GLDC: variants seen among roughly 807,000 people sequenced by gnomAD.
GLDC encodes glycine decarboxylase, also known as glycine dehydrogenase (decarboxylating), mitochondrial.
Under a neutral mutation model 121.3 loss-of-function variants are expected in GLDC, and 104 were observed. That is an observed-to-expected ratio of 0.86 (90% CI 0.73 to 1.01). GLDC has a LOEUF of 1.01. Ranked by LOEUF, GLDC falls within the 50% of genes least tolerant of loss-of-function variation. The pLI, the probability that GLDC is intolerant of heterozygous loss-of-function variation, is 0.00. For missense variants in GLDC, 1,429 were observed against 1,306.6 expected (o/e 1.09, Z -1.44); for synonymous variants, 546 against 480.6 (o/e 1.14, Z -1.78).
intron 3 of GLDC, among the ~76,000 whole-genome samples, chr9:6,613,429 C>A (rs1818901621): frequency 6.6e-6 from 1 of 152,212 alleles, no homozygotes; most frequent in Admixed American, 6.5e-5. Context: ...AGTTCGAGAC[C>A]AGCCTGGGCA....
chr9:6,595,382 T>C (rs1818471884), intron 8 of GLDC, among the ~76,000 whole-genome samples: 2 of 152,110 alleles, frequency 1.3e-5, no homozygotes, highest in Non-Finnish European at 2.9e-5. Flanking sequence ...TGCAACAAAA[T>C]CATGTCACCC....
chr9:6,589,169 G>T, intron 12 of GLDC, 26 bp downstream of exon 12: 2 of 1,382,784 alleles, frequency 1.4e-6, no homozygotes, highest in Non-Finnish European at 2.1e-6. Context: ...AGCACAAAAC[G>T]CAGAAGTCAC....
chr9:6,568,318 G>C (rs1372639896), intron 15 of GLDC, among the ~76,000 whole-genome samples: 1 of 152,174 alleles, frequency 6.6e-6, no homozygotes, highest in African/African-American at 2.4e-5. Flanking sequence ...AAAACAAATT[G>C]TTAGTGCCAC....
In GLDC at chr9:6,592,300, G is replaced by A. The variant is rs192227706; in HGVS notation, c.1402-77C>T. 370 of 888,134 alleles carry A rather than the reference G, an allele frequency of 4.2e-4. 1 individual carries two copies. The African/African-American group carries it at 5.0e-3, about 12-fold the overall frequency. 55.0% of individuals were successfully genotyped at this position (888,134 alleles called of 1,614,324 possible). A position where few individuals can be genotyped will look rare whatever the true frequency, so the allele number is the denominator to read the frequency against. ...TGGAGGAATCCCAAGAGAGGTCAAA[G>A]GGGAGACAGTGCTAAACAAAATCCC... On this transcript the variant is annotated intron_variant, in intron 10 of 24. Coordinates refer to ENST00000321612, the MANE Select transcript of GLDC (RefSeq NM_000170.3).
intron 3 of GLDC, among the ~76,000 whole-genome samples, chr9:6,614,345 C>A (rs1818926401): frequency 6.6e-6 from 1 of 152,120 alleles, no homozygotes; most frequent in African/African-American, 2.4e-5. Flanking sequence ...AGCAATCCTC[C>A]CACCTCAACC....
intron 17 of GLDC, 35 bp downstream of exon 17, chr9:6,558,524 C>T (rs373990890): frequency 8.7e-6 from 14 of 1,612,222 alleles, no homozygotes; most frequent in African/African-American, 2.7e-5. Flanking sequence ...CTCCCCATCC[C>T]GGCCTCTCCC....
chr9:6,587,537 G>A (rs905672648), intron 14 of GLDC, among the ~76,000 whole-genome samples: 6 of 152,110 alleles, frequency 3.9e-5, no homozygotes, highest in Non-Finnish European at 7.4e-5. Flanking sequence ...AACTTTTCAG[G>A]GAAGAAAAGC....
At chr9:6,628,171 G>A (rs915574689) in intron 2 of GLDC, among the ~76,000 whole-genome samples, 6 of 152,138 alleles carry the variant, frequency 3.9e-5, no homozygotes, top group South Asian at 4.1e-4. Context: ...CTCTTCTCCC[G>A]TGGAAAAGAG....
At chr9:6,555,196 G>A (rs1220291924) in intron 18 of GLDC, among the ~76,000 whole-genome samples, 6 of 152,152 alleles carry the variant, frequency 3.9e-5, no homozygotes, top group African/African-American at 9.7e-5. Context: ...TATGATGCAC[G>A]TTACCGAACG....
chr9:6,621,717 C>T (rs1002993426), intron 2 of GLDC, among the ~76,000 whole-genome samples: 2 of 152,152 alleles, frequency 1.3e-5, no homozygotes, highest in African/African-American at 4.8e-5. Context: ...GGGGTTTCAC[C>T]ATATTGGCTA....
chr9:6,635,843 C>T (rs986556969), intron 2 of GLDC, among the ~76,000 whole-genome samples: 1 of 151,266 alleles, frequency 6.6e-6, no homozygotes, highest in South Asian at 2.1e-4. Flanking sequence ...CCACTGTAGT[C>T]GAGCCTGGGT....
At chr9:6,638,270 C>T (rs756924227) in intron 2 of GLDC, among the ~76,000 whole-genome samples, 7 of 151,458 alleles carry the variant, frequency 4.6e-5, no homozygotes, top group Admixed American at 6.6e-5. Flanking sequence ...AGTGCAATGG[C>T]GCGACTTAGC....
At chr9:6,609,853 C>T (rs1158262714) in intron 4 of GLDC, among the ~76,000 whole-genome samples, 1 of 152,156 alleles carries the variant, frequency 6.6e-6, no homozygotes, top group Non-Finnish European at 1.5e-5. Flanking sequence ...CAAGCCAGCA[C>T]TTCCCAGTGG....
chr9:6,553,526 T>C lies in GLDC; in HGVS notation c.2316-17A>G, dbSNP rs1263329857. The C allele has an allele frequency of 1.2e-6, 2 of 1,611,808 alleles. No individual in the cohort carries two copies. The highest frequency in any genetic ancestry group is 2.2e-5 in the East Asian group (1 of 44,860). On this transcript the variant is annotated splice_polypyrimidine_tract_variant and intron_variant, in intron 19 of 24. Coordinates refer to ENST00000321612, the MANE Select transcript of GLDC (RefSeq NM_000170.3). ...TGTTTCTTCCTGTATTTTTTTTAAG[T>C]GCAAATTCAGAAAATGTAAACGATT... is the stretch of plus-strand genomic sequence containing the variant.
At chr9:6,604,214 C>G (rs775503528) in intron 7 of GLDC, among the ~76,000 whole-genome samples, 1 of 152,156 alleles carries the variant, frequency 6.6e-6, no homozygotes, top group African/African-American at 2.4e-5. Flanking sequence ...TCAGTGTGTA[C>G]TTTGCAGTCT....
At chr9:6,615,788 A>AT (rs913206958) in intron 3 of GLDC, among the ~76,000 whole-genome samples, 1 of 151,700 alleles carries the variant, frequency 6.6e-6, no homozygotes, top group African/African-American at 2.4e-5. Context: ...TTTTTTTTGT[A>AT]TTTTTTGTAG....
intron 23 of GLDC, 37 bp downstream of exon 23, chr9:6,536,027 A>C (rs754593541): frequency 1.3e-6 from 2 of 1,561,490 alleles, no homozygotes; most frequent in Non-Finnish European, 1.8e-6. Context: ...TTTCTAGTTT[A>C]AGGAACATTT....
chr9:6,644,309 T>A lies in GLDC; in HGVS notation c.334+305A>T, dbSNP rs181693561. Among the ~76,000 whole-genome samples the A allele has an allele frequency of 5.5e-4, 84 of 151,956 alleles. 1 individual carries two copies. The highest frequency in any genetic ancestry group is 3.4e-3 in the Middle Eastern group (1 of 294). ...CTCAACCCAAAGTATGAGAGCACCCTGGCCGGTGAGAGGGTGCCTGGGAAG... is the reference window on the plus strand; with the variant it reads ...CTCAACCCAAAGTATGAGAGCACCCAGGCCGGTGAGAGGGTGCCTGGGAAG... On this transcript the variant is annotated intron_variant, in intron 2 of 24. Coordinates refer to ENST00000321612, the MANE Select transcript of GLDC (RefSeq NM_000170.3).
At chr9:6,637,198 A>C (rs1167173296) in intron 2 of GLDC, among the ~76,000 whole-genome samples, 1 of 152,008 alleles carries the variant, frequency 6.6e-6, no homozygotes, top group African/African-American at 2.4e-5. Context: ...TGAGGTCAGG[A>C]GTTCGAAACC....
Sources: allele counts gnomAD v4.1 joint callset (sites outside exome capture counted in the v4.1 genomes callset), GRCh38; gene constraint gnomAD v4.1.1; transcripts MANE v1.5; gene names NCBI Gene and HGNC (gene_info 2026-07-23, HGNC 2026-07-21).